The following LSAMP variants were observed in gnomAD, a reference collection of about 807,000 sequenced individuals.
The protein encoded by LSAMP is limbic system-associated membrane protein.
LSAMP carries 7 observed loss-of-function variants against 38.6 expected under a neutral mutation model. The ratio of observed to expected loss-of-function variants is 0.18; its 90% CI spans 0.10 to 0.34. The LOEUF (loss-of-function observed/expected upper bound fraction) is 0.34, where lower values mean the gene tolerates loss of function less well. LSAMP is among the 10% of genes least tolerant of loss of function. The pLI, the probability that LSAMP is intolerant of heterozygous loss-of-function variation, is 1.00. For missense variants in LSAMP, 313 were observed against 420.0 expected (o/e 0.75, Z 2.23); for synonymous variants, 154 against 166.8 (o/e 0.92, Z 0.59).
At chr3:116,077,455 A>G (rs1707770144) in intron 2 of LSAMP, among the ~76,000 whole-genome samples, 2 of 152,114 alleles carry the variant, frequency 1.3e-5, no homozygotes, top group African/African-American at 4.8e-5. Context: ...CTTTGTAATG[A>G]AGTATATTTT....
At chr3:115,890,379 G>C (rs896507054) in intron 3 of LSAMP, among the ~76,000 whole-genome samples, 2 of 151,752 alleles carry the variant, frequency 1.3e-5, no homozygotes, top group African/African-American at 4.8e-5. Flanking sequence ...AATCCAACAA[G>C]CACAATTTAC....
At chr3:116,056,163 A>G (rs1487060682) in intron 2 of LSAMP, among the ~76,000 whole-genome samples, 1 of 152,174 alleles carries the variant, frequency 6.6e-6, no homozygotes, top group African/African-American at 2.4e-5. Context: ...TCATCCTAGA[A>G]TGTATATCTG....
At chr3:116,336,586 T>A (rs543715957) in intron 1 of LSAMP, among the ~76,000 whole-genome samples, 12 of 151,946 alleles carry the variant, frequency 7.9e-5, no homozygotes, top group African/African-American at 2.9e-4. Flanking sequence ...AAGTACTCAC[T>A]TCTTCATAGC....
At position 115,810,221 on chromosome 3, in the gene LSAMP, A is replaced by ATCTCTCTCTCTC; in HGVS notation, c.*84_*95dup. ...AGTTGTGAAATAAACGGTCTCCCCC[A>ATCTCTCTCTCTC]TCTCTCTCTCTCTCTCTCTCTCTGT... On this transcript the variant is annotated 3_prime_UTR_variant, in exon 7 of 7. Transcript: ENST00000490035. The ATCTCTCTCTCTC allele has an allele frequency of 1.5e-6, 1 of 648,414 alleles. No individual in the cohort carries two copies. The highest frequency in any genetic ancestry group is 2.5e-6 in the Non-Finnish European group (1 of 393,764). The allele number at this position is 648,414 out of a possible 1,614,324, so 40.2% of individuals were successfully genotyped here.
intron 1 of LSAMP, among the ~76,000 whole-genome samples, chr3:116,252,212 G>A (rs567965613): frequency 6.6e-6 from 1 of 152,306 alleles, no homozygotes; most frequent in African/African-American, 2.4e-5. Flanking sequence ...TAAGCACAAA[G>A]AAGCAAATGT....
chr3:116,407,657 T>C (rs912748232), intron 1 of LSAMP, among the ~76,000 whole-genome samples: 1 of 152,094 alleles, frequency 6.6e-6, no homozygotes, highest in Non-Finnish European at 1.5e-5. Flanking sequence ...CATGTAGCAA[T>C]CTTCATGACT....
chr3:116,302,604 G>A (rs1231428132), intron 1 of LSAMP, among the ~76,000 whole-genome samples: 1 of 152,174 alleles, frequency 6.6e-6, no homozygotes, highest in African/African-American at 2.4e-5. Flanking sequence ...AGAAATATGA[G>A]TCGTATTTGA....
intron 2 of LSAMP, among the ~76,000 whole-genome samples, chr3:116,080,625 A>G (rs759688424): frequency 1.4e-4 from 21 of 152,358 alleles, no homozygotes; most frequent in Non-Finnish European, 2.2e-4. Flanking sequence ...CTTCCCTTTC[A>G]TTAGCTGTCT....
chr3:116,315,437 A>T (rs1215501858), intron 1 of LSAMP, among the ~76,000 whole-genome samples: 2 of 152,182 alleles, frequency 1.3e-5, no homozygotes, highest in African/African-American at 4.8e-5. Flanking sequence ...TATGTTAGAA[A>T]TGGGGACAGA....
intron 1 of LSAMP, among the ~76,000 whole-genome samples, chr3:116,104,584 A>G (rs529184777): frequency 2.0e-4 from 31 of 152,324 alleles, no homozygotes; most frequent in African/African-American, 7.5e-4. Context: ...TTTTGCCGAA[A>G]TCATCCATTT....
At chr3:116,224,521 A>C (rs1456339984) in intron 1 of LSAMP, among the ~76,000 whole-genome samples, 1 of 152,250 alleles carries the variant, frequency 6.6e-6, no homozygotes, top group Non-Finnish European at 1.5e-5. Flanking sequence ...AGATTGGAAC[A>C]GGGATATATT....
intron 1 of LSAMP, among the ~76,000 whole-genome samples, chr3:116,411,579 G>T (rs1259631322): frequency 1.5e-5 from 2 of 132,878 alleles, no homozygotes; most frequent in Non-Finnish European, 3.1e-5. Flanking sequence ...TGAACAATGA[G>T]AACACACAGA....
chr3:115,936,668 A>T (rs1937712369), intron 3 of LSAMP, among the ~76,000 whole-genome samples: 1 of 152,154 alleles, frequency 6.6e-6, no homozygotes, highest in Non-Finnish European at 1.5e-5. Flanking sequence ...GGGAACCTGG[A>T]GGGAATTTTT....
chr3:116,444,805 C>G, intron 1 of LSAMP, 72 bp downstream of exon 1: 3 of 1,401,512 alleles, frequency 2.1e-6, no homozygotes, highest in Non-Finnish European at 2.8e-6. Context: ...CACACACACA[C>G]ACACAAACAC....
At chr3:116,131,891 G>A (rs1439745617) in intron 1 of LSAMP, among the ~76,000 whole-genome samples, 2 of 150,728 alleles carry the variant, frequency 1.3e-5, no homozygotes, top group East Asian at 2.0e-4. Flanking sequence ...GCAGTGGTGC[G>A]ATGTCAGCTT....
chr3:116,355,451 A>G (rs2048210573), intron 1 of LSAMP, among the ~76,000 whole-genome samples: 1 of 152,222 alleles, frequency 6.6e-6, no homozygotes, highest in African/African-American at 2.4e-5. Context: ...GATGGGTTAA[A>G]GATTTAAATG....
chr3:116,280,939 A>G (rs2047119481), intron 1 of LSAMP, among the ~76,000 whole-genome samples: 1 of 152,208 alleles, frequency 6.6e-6, no homozygotes, highest in African/African-American at 2.4e-5. Flanking sequence ...ACTGGAAGAC[A>G]TTGAACACAC....
chr3:115,839,126 C>T (rs1199632959), intron 6 of LSAMP, among the ~76,000 whole-genome samples: 1 of 152,220 alleles, frequency 6.6e-6, no homozygotes, highest in South Asian at 2.1e-4. Context: ...GACACTTGCA[C>T]AGTGTCTTCC....
At chr3:115,872,672 T>G (rs1002376946) in intron 3 of LSAMP, among the ~76,000 whole-genome samples, 6 of 152,138 alleles carry the variant, frequency 3.9e-5, no homozygotes, top group Admixed American at 3.9e-4. Context: ...ATTTATTTAG[T>G]GAAAACTATG....
Sources: gnomAD v4.1 joint callset for allele counts (sites outside exome capture counted in the v4.1 genomes callset) on GRCh38, gnomAD v4.1.1 for gene constraint, MANE v1.5 for transcripts, NCBI Gene and HGNC (gene_info 2026-07-23, HGNC 2026-07-21) for gene names.